The following ZNHIT6 variants were observed in gnomAD, a reference collection of about 807,000 sequenced individuals.
ZNHIT6 encodes the protein box C/D snoRNA protein 1.
In ZNHIT6, 45 loss-of-function variants were observed where a neutral mutation model predicts 57.2. That is an observed-to-expected ratio of 0.79 (90% CI 0.62 to 1.01). The LOEUF is 1.01. Among genes scored for constraint, ZNHIT6 ranks in the 50% least tolerant of loss-of-function variants. The pLI is 0.00. For synonymous variants in ZNHIT6, 188 were observed against 190.0 expected, an observed-to-expected ratio of 0.99 and a Z score of 0.09; for missense variants, 528 against 567.3, an observed-to-expected ratio of 0.93 and a Z score of 0.70.
intron 9 of ZNHIT6, among the ~76,000 whole-genome samples, chr1:85,654,872 T>G (rs1048576752): frequency 4.6e-5 from 7 of 152,164 alleles, no homozygotes; most frequent in African/African-American, 1.7e-4. Flanking sequence ...ATAGCTGTTA[T>G]CTCCACTGAG....
intron 6 of ZNHIT6, 94 bp from the exon 7 acceptor site, chr1:85,678,875 T>C (rs780119577): frequency 1.6e-4 from 107 of 670,298 alleles, no homozygotes; most frequent in Non-Finnish European, 8.5e-5. Flanking sequence ...GTGGCTTTTT[T>C]GGTTTAAATA....
intron 4 of ZNHIT6, among the ~76,000 whole-genome samples, chr1:85,705,204 C>T (rs572614475): frequency 3.7e-4 from 57 of 152,178 alleles, no homozygotes; most frequent in African/African-American, 1.4e-3. Flanking sequence ...ATTAGAAACC[C>T]TCACCAGTTT....
At chr1:85,702,002 A>G (rs1662544958) in intron 5 of ZNHIT6, among the ~76,000 whole-genome samples, 155 bp downstream of exon 5, 1 of 152,134 alleles carries the variant, frequency 6.6e-6, no homozygotes, top group African/African-American at 2.4e-5. Flanking sequence ...TTAGAGTTAC[A>G]TGACATACAA....
At chr1:85,684,477 T>A (rs1187009701) in intron 5 of ZNHIT6, among the ~76,000 whole-genome samples, 1 of 152,212 alleles carries the variant, frequency 6.6e-6, no homozygotes, top group Non-Finnish European at 1.5e-5. Context: ...TACAAAGGGC[T>A]ACTGTATGCA....
chr1:85,695,268 CA>C (rs147513990), intron 5 of ZNHIT6, among the ~76,000 whole-genome samples: 7 of 142,124 alleles, frequency 4.9e-5, no homozygotes, highest in South Asian at 2.3e-4. Context: ...ACCCTGTCTC[CA>C]AAAAAAAAGA....
Position 85,703,618 on chromosome 1 carries a change from T to G in ZNHIT6, c.916-1358A>C, listed in dbSNP as rs144103182. Among the ~76,000 whole-genome samples the G allele has an allele frequency of 3.4e-3, 521 of 152,270 alleles. 2 individuals carry two copies. The highest frequency in any genetic ancestry group is 0.012 in the African/African-American group (500 of 41,564). Reference sequence around the variant, plus strand: ...AATTAAATGGGAACTCCTCTGTATATGATACCAAAAATCAATTCCAGTTAA... The same window carrying G: ...AATTAAATGGGAACTCCTCTGTATAGGATACCAAAAATCAATTCCAGTTAA... On this transcript the variant is annotated intron_variant, in intron 4 of 9. Coordinates refer to ENST00000370574, the MANE Select transcript of ZNHIT6 (RefSeq NM_017953.4).
intron 5 of ZNHIT6, among the ~76,000 whole-genome samples, chr1:85,694,166 T>C (rs1311094054): frequency 6.6e-6 from 1 of 152,194 alleles, no homozygotes; most frequent in Non-Finnish European, 1.5e-5. Flanking sequence ...CAGGTGCATG[T>C]ATTTGTCAAA....
chr1:85,697,236 T>C (rs78713962), intron 5 of ZNHIT6, among the ~76,000 whole-genome samples: 4,964 of 152,246 alleles, frequency 0.033, 273 homozygotes, highest in African/African-American at 0.11. Context: ...TAATAATGCA[T>C]AAGCACTCTG....
chr1:85,658,048 T>C (rs1452061304), intron 8 of ZNHIT6, 77 bp from the exon 9 acceptor site: 3 of 1,012,702 alleles, frequency 3.0e-6, no homozygotes, highest in African/African-American at 3.3e-5. Context: ...TATATGAGAG[T>C]ATTTTACATT....
chr1:85,697,112 C>A (rs1662395016), intron 5 of ZNHIT6, among the ~76,000 whole-genome samples: 1 of 151,920 alleles, frequency 6.6e-6, no homozygotes, highest in Admixed American at 6.6e-5. Flanking sequence ...CCTCGTGATC[C>A]ACCTGCCTCA....
At position 85,682,299 on chromosome 1, in the gene ZNHIT6, C is replaced by T. The variant is rs556945630; in HGVS notation, c.1020-1395G>A. Among the ~76,000 whole-genome samples the T allele has an allele frequency of 4.6e-5, 7 of 151,462 alleles. No homozygotes were observed. In the East Asian group the frequency reaches 1.4e-3, roughly 30 times the overall value. On this transcript the variant is annotated intron_variant, in intron 5 of 9. Transcript: ENST00000370574. ...TCGGCCTCCCAAAGTGCTGGGATTA[C>T]AGGCATGAGCCACCGCACCCGGCCT...
At chr1:85,679,563 G>GTTTTTTTTTTTTTTTTTTTTTTTTTTT (rs35523771) in intron 6 of ZNHIT6, among the ~76,000 whole-genome samples, 1 of 135,274 alleles carries the variant, frequency 7.4e-6, no homozygotes, top group Non-Finnish European at 1.5e-5. Flanking sequence ...ACATTAAAAT[G>GTTTTTTTTTTTTTTTTTTTTTTTTTTT]TTTTTTTTTT....
chr1:85,670,143 A>T (rs1045380991), intron 8 of ZNHIT6, among the ~76,000 whole-genome samples: 89 of 60,142 alleles, frequency 1.5e-3, no homozygotes, highest in Middle Eastern at 0.016. Context: ...GTAAACCAAT[A>T]AAAAAAACCC....
intron 8 of ZNHIT6, among the ~76,000 whole-genome samples, chr1:85,662,152 C>CT (rs199682957): frequency 1.8e-5 from 1 of 56,360 alleles, no homozygotes; most frequent in Admixed American, 2.4e-4. Context: ...AATTAGTGTG[C>CT]TTTAAAAAAA....
intron 8 of ZNHIT6, 68 bp from the exon 9 acceptor site, chr1:85,658,039 A>C: frequency 9.3e-7 from 1 of 1,078,830 alleles, no homozygotes; most frequent in South Asian, 1.8e-5. Flanking sequence ...ATAGATAAAT[A>C]TATGAGAGTA....
intron 8 of ZNHIT6, among the ~76,000 whole-genome samples, chr1:85,667,453 A>C (rs1661398945): frequency 6.6e-6 from 1 of 152,140 alleles, no homozygotes; most frequent in African/African-American, 2.4e-5. Context: ...ATAATTGTGA[A>C]AAACAATGAT....
rs1662731991 is a variant in ZNHIT6, at chr1:85,707,741, C to T, written c.544G>A (p.Val182Ile). The change falls in exon 1 of 10, where the codon GTA (valine) becomes ATA (isoleucine). Residue 182 changes from valine (V) to isoleucine (I), a missense_variant. Transcript: ENST00000370574. ...IKEELMHGEC[V>I]KEEKDFLKKE... is the part of the protein sequence containing the mutation. ...TTCAGGAAATCCTTCTCTTCTTTTA[C>T]ACACTCTCCATGCATCAATTCCTCT... 6.2e-7 allele frequency: 1 copy of T among 1,613,908 alleles called. No homozygotes were observed. The highest frequency in any genetic ancestry group is 8.5e-7 in the Non-Finnish European group (1 of 1,179,930).
intron 8 of ZNHIT6, among the ~76,000 whole-genome samples, chr1:85,676,272 G>A (rs1661699944): frequency 6.7e-6 from 1 of 149,822 alleles, no homozygotes; most frequent in Admixed American, 6.7e-5. Context: ...GGAGGCGGAG[G>A]TTGCGGTGAA....
chr1:85,697,890 C>G (rs557412268), intron 5 of ZNHIT6, among the ~76,000 whole-genome samples: 33 of 152,166 alleles, frequency 2.2e-4, no homozygotes, highest in African/African-American at 7.2e-4. Flanking sequence ...TCATATAGGT[C>G]TTTCATATTT....
Sources: gnomAD v4.1 joint callset for allele counts (sites outside exome capture counted in the v4.1 genomes callset) on GRCh38, gnomAD v4.1.1 for gene constraint, MANE v1.5 for transcripts, NCBI Gene and HGNC (gene_info 2026-07-23, HGNC 2026-07-21) for gene names.